NALF2: variants seen among roughly 807,000 people sequenced by gnomAD.
NALF2 encodes bB57D9.1 (TED protein).
Under a neutral mutation model 24.8 loss-of-function variants are expected in NALF2, and 1 was observed. The observed-to-expected ratio is 0.04, with a 90% CI of 0.01 to 0.19. The LOEUF (loss-of-function observed/expected upper bound fraction) is 0.19. Among genes scored for constraint, NALF2 ranks in the 10% least tolerant of loss-of-function variants. The pLI is 1.00. For missense variants in NALF2, 458 were observed against 409.6 expected, an observed-to-expected ratio of 1.12 and a Z score of -1.02; for synonymous variants, 254 against 189.8, an observed-to-expected ratio of 1.34 and a Z score of -2.78.
At chrX:69,525,670 A>C (rs1930797120) in intron 1 of NALF2, among the ~76,000 whole-genome samples, 1 of 105,886 alleles carries the variant, frequency 9.4e-6, no homozygotes, top group African/African-American at 3.5e-5. Context: ...CCCCTATCTC[A>C]CCCTCTGTTA....
Position 69,529,013 on chromosome X carries a change from G to T in NALF2, c.882G>T (p.Leu294=). The T allele has an allele frequency of 1.7e-6, 2 of 1,209,661 alleles. No homozygotes were observed. Among genetic ancestry groups the T allele is most frequent in the Non-Finnish European group, 2.2e-6 (2 of 894,455 alleles). The part of the protein sequence containing the change: ...KGCKAVYKAW[L]CSEYFSVTQQ... The stretch of plus-strand genomic sequence containing the variant: ...CACAGGCTGTCTACAAGGCCTGGCT[G>T]TGCTCAGAATACTTCAGCGTGACCC... Residue 294 remains leucine, a synonymous_variant, in exon 2 of 3, where the codon CTG becomes CTT. Coordinates refer to ENST00000252338, the MANE Select transcript of NALF2 (RefSeq NM_015686.3).
rs1930460235 is a variant in NALF2, at chrX:69,505,681, C to G, written c.399C>G (p.Val133=). Residue 133 remains valine, a synonymous_variant, in exon 1 of 3, where the codon GTC becomes GTG. Coordinates refer to ENST00000252338, the MANE Select transcript of NALF2 (RefSeq NM_015686.3). ...CCCCCGCCGCCGGCTCTCGGCCGGT[C>G]TGCGGCGGCGTCCCAGAGCCCACGG... ...KAAPAAGSRP[V]CGGVPEPTGL... The G allele has an allele frequency of 8.3e-7, 1 of 1,208,529 alleles. No individual in the cohort carries two copies. Among genetic ancestry groups the G allele is most frequent in the Non-Finnish European group, 1.1e-6 (1 of 894,393 alleles).
chrX:69,507,338 G>A (rs1050242894), intron 1 of NALF2, among the ~76,000 whole-genome samples: 2 of 111,294 alleles, frequency 1.8e-5, no homozygotes, highest in Non-Finnish European at 3.8e-5. Context: ...CAGAGGGTTG[G>A]GAAGGAAAAG....
intron 1 of NALF2, among the ~76,000 whole-genome samples, chrX:69,508,563 C>T (rs949462260): frequency 2.7e-5 from 3 of 111,797 alleles, no homozygotes; most frequent in African/African-American, 6.5e-5. Context: ...AGCTCTCTTC[C>T]GGCCTTTCCC....
intron 1 of NALF2, among the ~76,000 whole-genome samples, chrX:69,521,778 T>C (rs750793999): frequency 9.8e-5 from 11 of 112,138 alleles, no homozygotes; most frequent in Non-Finnish European, 2.1e-4. Flanking sequence ...AGTTGGGGAC[T>C]GTCTGTGCTA....
chrX:69,529,282 C>A, intron 2 of NALF2, 118 bp downstream of exon 2: 1 of 861,172 alleles, frequency 1.2e-6, no homozygotes, highest in Non-Finnish European at 1.6e-6. Flanking sequence ...AGGCCAGTGG[C>A]TGGACGAATG....
intron 1 of NALF2, among the ~76,000 whole-genome samples, chrX:69,515,882 A>C (rs1409338556): frequency 8.9e-6 from 1 of 112,141 alleles, no homozygotes; most frequent in Non-Finnish European, 1.9e-5. Context: ...TATGAAGTAC[A>C]TGATATTATT....
intron 1 of NALF2, among the ~76,000 whole-genome samples, chrX:69,507,363 C>A (rs974178276): frequency 3.6e-5 from 4 of 111,474 alleles, no homozygotes; most frequent in Admixed American, 2.8e-4. Flanking sequence ...GTTCCTCGCT[C>A]CTGACTTCAC....
rs201423090 is a variant in NALF2, at chrX:69,506,948, C to T, written c.861+805C>T. On this transcript the variant is annotated intron_variant, in intron 1 of 2. Transcript: ENST00000252338. ...GGTGAGGCAGCTGCAGACCGGCCCGCCTAGGGAAGAGCTGAGTGTTAAGAA... is the reference window on the plus strand; with the variant it reads ...GGTGAGGCAGCTGCAGACCGGCCCGTCTAGGGAAGAGCTGAGTGTTAAGAA... Among the ~76,000 whole-genome samples the T allele has an allele frequency of 8.0e-5, 9 of 112,374 alleles. No homozygotes were observed. The East Asian group carries it at 2.5e-3, about 32-fold the overall frequency.
intron 1 of NALF2, among the ~76,000 whole-genome samples, chrX:69,517,959 A>G (rs1930685966): frequency 1.8e-5 from 2 of 112,163 alleles, no homozygotes; most frequent in Non-Finnish European, 3.8e-5. Context: ...GCCCAGGTAT[A>G]GCTGTATGTG....
intron 1 of NALF2, among the ~76,000 whole-genome samples, chrX:69,527,352 C>G (rs761079708): frequency 1.2e-3 from 137 of 112,475 alleles, no homozygotes; most frequent in Non-Finnish European, 2.0e-3. Context: ...ACAACCTACC[C>G]CATCACCCAC....
intron 1 of NALF2, among the ~76,000 whole-genome samples, chrX:69,526,974 T>C (rs1199269567): frequency 1.8e-5 from 2 of 112,171 alleles, no homozygotes; most frequent in African/African-American, 6.5e-5. Context: ...CAATTGCGTT[T>C]TGAGACCACT....
Position 69,530,487 on chromosome X carries a change from C to T in NALF2, c.*531C>T, listed in dbSNP as rs1021483629. 2.6e-5 allele frequency: 3 copies of T among 114,876 alleles called. No homozygotes were observed. The highest frequency in any genetic ancestry group is 5.5e-5 in the Non-Finnish European group (3 of 54,575). 9.5% of individuals were successfully genotyped at this position (114,876 alleles called of 1,213,427 possible). On this transcript the variant is annotated 3_prime_UTR_variant, in exon 3 of 3. Coordinates refer to ENST00000252338, the MANE Select transcript of NALF2 (RefSeq NM_015686.3). Reference sequence around the variant, plus strand: ...CCTTGCCCCACCTGGGACCATCACACGTGAAGCACCAGGCTGGGAGATGAG... The same window carrying T: ...CCTTGCCCCACCTGGGACCATCACATGTGAAGCACCAGGCTGGGAGATGAG...
In NALF2 at chrX:69,505,240, C is replaced by T. The variant is rs1930440395; in HGVS notation, c.-43C>T. 1 of 1,106,637 alleles carries T rather than the reference C, an allele frequency of 9.0e-7. No homozygotes were observed. Among genetic ancestry groups the T allele is most frequent in the South Asian group, 2.2e-5 (1 of 46,287 alleles). 91.2% of individuals were successfully genotyped at this position (1,106,637 alleles called of 1,213,427 possible). On this transcript the variant is annotated 5_prime_UTR_variant, in exon 1 of 3. Transcript: ENST00000252338. ...CCGCCCGCCCCAGACGGCCGTCTGG[C>T]CTCGCGCCTGCCTGTTCCCTCCAGC...
rs768747110 is a variant in NALF2 at position 69,505,309 on chromosome X, C to A, written c.27C>A (p.Pro9=). 2 of 1,156,082 alleles carry A rather than the reference C, an allele frequency of 1.7e-6. No individual in the cohort carries two copies. Among genetic ancestry groups the A allele is most frequent in the South Asian group, 3.9e-5 (2 of 51,396 alleles). Reference sequence around the variant, plus strand: ...TGTTCAGGGGCGCTTGGATGTGGCCCGGGAAAGACGCCGCCGCGCTGACTA... The same window carrying A: ...TGTTCAGGGGCGCTTGGATGTGGCCAGGGAAAGACGCCGCCGCGCTGACTA... MFRGAWMW[P]GKDAAALTIC... Residue 9 remains proline (P), a synonymous_variant, in exon 1 of 3, where the codon CCC becomes CCA. Transcript: ENST00000252338.
rs1337636178 is a variant in NALF2 at position 69,532,120 on chromosome X, C to T, written c.*2164C>T. 4 of 112,598 alleles carry T rather than the reference C, an allele frequency of 3.6e-5. No homozygotes were observed. The highest frequency in any genetic ancestry group is 7.5e-5 in the Non-Finnish European group (4 of 53,260). The allele number at this position is 112,598 out of a possible 1,213,427, so 9.3% of individuals were successfully genotyped here. A position where few individuals can be genotyped will look rare whatever the true frequency, so the allele number is the denominator to read the frequency against. On this transcript the variant is annotated 3_prime_UTR_variant, in exon 3 of 3. Coordinates refer to ENST00000252338, the MANE Select transcript of NALF2 (RefSeq NM_015686.3). ...GCCCAGTGGCAGGGGAAAGGGGCAC[C>T]TCACTCCACCTCAAAGTCATTTGAC...
chrX:69,506,924 G>GT (rs761442884), intron 1 of NALF2, among the ~76,000 whole-genome samples: 231 of 112,637 alleles, frequency 2.1e-3, no homozygotes, highest in African/African-American at 6.7e-3. Flanking sequence ...CAGAGGAGAG[G>GT]TGAGGCAGCT....
rs1930465745 is a variant in NALF2 at position 69,505,803 on chromosome X, G to T, written c.521G>T (p.Arg174Leu). 1.7e-6 allele frequency: 2 copies of T among 1,208,420 alleles called. No homozygotes were observed. Among genetic ancestry groups the T allele is most frequent in the Admixed American group, 2.2e-5 (1 of 45,814 alleles). ...PPLRPPDSLSRAPAEFPSAKK... is the reference protein window; with the variant it reads ...PPLRPPDSLSLAPAEFPSAKK... ...CTGCGGCCCCCTGACTCCCTTTCCC[G>T]TGCCCCGGCCGAGTTCCCCTCCGCC... Residue 174 changes from arginine (R) to leucine (L), a missense_variant, in exon 1 of 3, where the codon CGT becomes CTT. Arg to Leu is a moderately radical substitution (Grantham distance 102). Transcript: ENST00000252338.
At chrX:69,515,108 CTTAT>C (rs1231979221) in intron 1 of NALF2, among the ~76,000 whole-genome samples, 5 of 111,878 alleles carry the variant, frequency 4.5e-5, no homozygotes, top group African/African-American at 9.7e-5. Context: ...GTCATTTTTT[CTTAT>C]TTATCTACTT....
Sources: gnomAD v4.1 joint callset for allele counts (sites outside exome capture counted in the v4.1 genomes callset) on GRCh38, gnomAD v4.1.1 for gene constraint, MANE v1.5 for transcripts, NCBI Gene and HGNC (gene_info 2026-07-23, HGNC 2026-07-21) for gene names.